The following CAST variants were observed in gnomAD, a reference collection of about 807,000 sequenced individuals.
CAST encodes calpastatin, also known as MIR583 host.
CAST carries 76 observed loss-of-function variants against 119.6 expected under a neutral mutation model. The observed-to-expected ratio is 0.64, with a 90% confidence interval of 0.53 to 0.77. The LOEUF (loss-of-function observed/expected upper bound fraction) is 0.77. Ranked by LOEUF, CAST falls within the 30% of genes least tolerant of loss-of-function variation. CAST has a pLI of 0.00. For synonymous variants in CAST, 319 were observed against 331.6 expected (o/e 0.96, Z 0.41); for missense variants, 953 against 946.5 (o/e 1.01, Z -0.09).
the CAST span, among the ~76,000 whole-genome samples, chr5:96,071,293 T>G: frequency 9.2e-5 from 14 of 152,092 alleles, no homozygotes; most frequent in Non-Finnish European, 1.9e-4. Context: ...CCCAGCTCTA[T>G]GCTTTCCCAG....
chr5:96,102,704 T>C, the CAST span, among the ~76,000 whole-genome samples: 1 of 149,570 alleles, frequency 6.7e-6, no homozygotes, highest in Non-Finnish European at 1.5e-5. Flanking sequence ...GACTATTTGT[T>C]CTCTCTAGTT....
At chr5:95,974,607 A>G in the CAST span, among the ~76,000 whole-genome samples, 3 of 152,180 alleles carry the variant, frequency 2.0e-5, no homozygotes, top group Non-Finnish European at 4.4e-5. Flanking sequence ...TTACATTTGG[A>G]TTTGGTGAAA....
chr5:96,432,740 C>T, the CAST span: 2 of 764,598 alleles, frequency 2.6e-6, no homozygotes, highest in Admixed American at 4.3e-5. Context: ...TGGAGCAGCT[C>T]CTTGCTCTTT....
At chr5:96,669,500 A>G (rs1354858881) in intron 1 of CAST, among the ~76,000 whole-genome samples, 1 of 152,214 alleles carries the variant, frequency 6.6e-6, no homozygotes, top group Admixed American at 6.5e-5. Flanking sequence ...TTACCCTGTG[A>G]TTAGGAAGGC....
At chr5:96,472,398 T>C in the CAST span, among the ~76,000 whole-genome samples, 1 of 152,194 alleles carries the variant, frequency 6.6e-6, no homozygotes, top group Non-Finnish European at 1.5e-5. Context: ...ATTGATTGAT[T>C]GGTTAACTGA....
the CAST span, among the ~76,000 whole-genome samples, chr5:96,271,951 G>T: frequency 6.6e-6 from 1 of 152,166 alleles, no homozygotes; most frequent in Non-Finnish European, 1.5e-5. Flanking sequence ...ATGGACAAGA[G>T]ATCCGAATAG....
chr5:96,176,653 C>T, the CAST span, among the ~76,000 whole-genome samples: 2 of 152,220 alleles, frequency 1.3e-5, no homozygotes, highest in Admixed American at 6.5e-5. Context: ...TTTTGGCATA[C>T]TTTCACTTTT....
intron 3 of CAST, among the ~76,000 whole-genome samples, chr5:96,702,487 T>C (rs887703986): frequency 9.2e-5 from 14 of 152,236 alleles, no homozygotes; most frequent in African/African-American, 3.4e-4. Context: ...ATCCACTTTA[T>C]AGTTTCAAAA....
chr5:96,123,935 G>A, the CAST span, among the ~76,000 whole-genome samples: 1 of 151,628 alleles, frequency 6.6e-6, no homozygotes, highest in Non-Finnish European at 1.5e-5. Flanking sequence ...TCTCTTTTTA[G>A]CGTCACAAGG....
the CAST span, among the ~76,000 whole-genome samples, chr5:96,334,583 C>G: frequency 7.9e-5 from 12 of 152,326 alleles, 1 homozygote; most frequent in African/African-American, 2.9e-4. Flanking sequence ...AAGTCACCCC[C>G]ACGGTCCTGT....
chr5:96,716,750 A>G (rs553324672), intron 3 of CAST, among the ~76,000 whole-genome samples: 1 of 152,350 alleles, frequency 6.6e-6, no homozygotes, highest in East Asian at 1.9e-4. Flanking sequence ...AAAGTTAAAA[A>G]TTAGTTATTG....
the CAST span, among the ~76,000 whole-genome samples, chr5:96,373,516 C>T: frequency 6.6e-6 from 1 of 152,178 alleles, no homozygotes; most frequent in Admixed American, 6.5e-5. Flanking sequence ...CAGTTTTCCT[C>T]TGTTACTGAG....
the CAST span, among the ~76,000 whole-genome samples, chr5:96,295,193 A>G: frequency 1.7e-4 from 26 of 152,336 alleles, 1 homozygote; most frequent in Non-Finnish European, 2.6e-4. Context: ...TTGAGTAACT[A>G]TAGTGCTTTT....
At chr5:96,623,962 G>T in intron 1 of CAST, among the ~76,000 whole-genome samples, 1 of 152,068 alleles carries the variant, frequency 6.6e-6, no homozygotes. Flanking sequence ...CCTTCCCAAA[G>T]TGCTAGGATT....
At chr5:96,640,897 G>A (rs549632995) in intron 1 of CAST, among the ~76,000 whole-genome samples, 9 of 152,278 alleles carry the variant, frequency 5.9e-5, no homozygotes, top group African/African-American at 1.9e-4. Flanking sequence ...AGAAACTAAG[G>A]TAAAGTCTCC....
chr5:96,412,459 A>G, the CAST span: 1 of 1,614,096 alleles, frequency 6.2e-7, no homozygotes, highest in Non-Finnish European at 8.5e-7. Flanking sequence ...CCTCAATAGC[A>G]TCCGTCACAA....
intron 1 of CAST, among the ~76,000 whole-genome samples, chr5:96,559,908 G>A (rs2150184311): frequency 6.6e-6 from 1 of 152,254 alleles, no homozygotes; most frequent in South Asian, 2.1e-4. Context: ...TCAATCCTAA[G>A]CCTAAAGAAC....
At chr5:96,387,608 A>G in the CAST span, among the ~76,000 whole-genome samples, 1 of 152,158 alleles carries the variant, frequency 6.6e-6, no homozygotes, top group Non-Finnish European at 1.5e-5. Flanking sequence ...TCCAAAACAG[A>G]CTGGCATTAG....
the CAST span, among the ~76,000 whole-genome samples, chr5:96,111,427 T>C: frequency 1.3e-5 from 2 of 152,206 alleles, no homozygotes; most frequent in African/African-American, 2.4e-5. Flanking sequence ...GATTAAATCA[T>C]TGGCCTTTGG....
Sources: gnomAD v4.1 joint callset for allele counts (sites outside exome capture counted in the v4.1 genomes callset) on GRCh38, gnomAD v4.1.1 for gene constraint, MANE v1.5 for transcripts, NCBI Gene and HGNC (gene_info 2026-07-23, HGNC 2026-07-21) for gene names.